The following PIK3C2G variants were observed in gnomAD, a reference collection of about 807,000 sequenced individuals.
PIK3C2G encodes the protein phosphatidylinositol 3-kinase C2 domain-containing subunit gamma.
PIK3C2G carries 168 observed loss-of-function variants against 181.1 expected under a neutral mutation model. The ratio of observed to expected loss-of-function variants is 0.93; its 90% CI spans 0.82 to 1.05. The LOEUF (loss-of-function observed/expected upper bound fraction) is 1.05. Ranked by LOEUF, PIK3C2G falls within the 50% of genes least tolerant of loss-of-function variation. The probability of loss-of-function intolerance (pLI) is 0.00; values close to 1 mark genes in which losing one functional copy is unlikely to be tolerated. For synonymous variants in PIK3C2G, 573 were observed against 592.2 expected (o/e 0.97, Z 0.47); for missense variants, 1,869 against 1,732.8 (o/e 1.08, Z -1.40).
chr12:18,686,547 T>C, the PIK3C2G span, among the ~76,000 whole-genome samples: 110 of 152,014 alleles, frequency 7.2e-4, no homozygotes, highest in African/African-American at 2.6e-3. Context: ...TTGTATTTTC[T>C]TCATATTTTA....
chr12:18,489,781 C>T (rs112288047), intron 19 of PIK3C2G, among the ~76,000 whole-genome samples: 22 of 152,182 alleles, frequency 1.4e-4, no homozygotes, highest in South Asian at 8.3e-4. Flanking sequence ...GTTTGTGTGA[C>T]GGTTTGGTCT....
chr12:18,490,874 T>C (rs569377688), intron 19 of PIK3C2G, among the ~76,000 whole-genome samples: 1 of 152,304 alleles, frequency 6.6e-6, no homozygotes, highest in Non-Finnish European at 1.5e-5. Context: ...GCCATGAGTA[T>C]AGTGGAGTGT....
intron 5 of PIK3C2G, among the ~76,000 whole-genome samples, chr12:18,310,576 G>C (rs1445097658): frequency 6.6e-6 from 1 of 151,838 alleles, no homozygotes; most frequent in Non-Finnish European, 1.5e-5. Context: ...AATTTTATTT[G>C]AGTGTCTGTC....
At chr12:18,281,905 C>A in intron 1 of PIK3C2G, 99 bp from the exon 2 acceptor site, 1 of 548,142 alleles carries the variant, frequency 1.8e-6, no homozygotes, top group Non-Finnish European at 3.3e-6. Flanking sequence ...AAAAAAAAGC[C>A]CACAAAACAG....
chr12:18,487,600 A>G (rs1261374582), intron 18 of PIK3C2G, among the ~76,000 whole-genome samples: 4 of 152,128 alleles, frequency 2.6e-5, no homozygotes, highest in African/African-American at 9.6e-5. Flanking sequence ...TTTTAAGGGT[A>G]TAATAGAAAG....
intron 16 of PIK3C2G, among the ~76,000 whole-genome samples, chr12:18,405,144 G>C (rs903736551): frequency 1.4e-4 from 22 of 152,168 alleles, no homozygotes; most frequent in African/African-American, 5.3e-4. Flanking sequence ...ACGTTGAAAA[G>C]TTCTATTCTG....
intron 4 of PIK3C2G, among the ~76,000 whole-genome samples, chr12:18,292,642 G>T (rs1248998861): frequency 1.3e-5 from 2 of 152,130 alleles, no homozygotes; most frequent in Non-Finnish European, 2.9e-5. Flanking sequence ...GCTTAAAAGG[G>T]AGGATTATGA....
chr12:18,406,815 G>A lies in PIK3C2G; in HGVS notation c.2315+6968G>A, dbSNP rs527398221. On this transcript the variant is annotated intron_variant, in intron 16 of 32. Coordinates refer to ENST00000538779, the MANE Select transcript of PIK3C2G (RefSeq NM_001288772.2). The stretch of plus-strand genomic sequence containing the variant: ...TATAGATAAGTGTGGATACAGAAGA[G>A]AAAAATGTGGAAATTTCAGTATTCC... 3.9e-5 allele frequency among the ~76,000 whole-genome samples: 6 copies of A among 152,246 alleles called. 1 individual carries two copies. The South Asian group carries it at 1.2e-3, about 32-fold the overall frequency.
intron 1 of PIK3C2G, among the ~76,000 whole-genome samples, chr12:18,279,644 G>T (rs1028620378): frequency 1.3e-5 from 2 of 151,972 alleles, no homozygotes; most frequent in African/African-American, 4.8e-5. Flanking sequence ...CAAATTCTGA[G>T]TTCCATGATA....
chr12:18,313,380 T>C (rs1950720257), intron 5 of PIK3C2G, among the ~76,000 whole-genome samples: 1 of 152,176 alleles, frequency 6.6e-6, no homozygotes, highest in Admixed American at 6.5e-5. Flanking sequence ...AACCCTTTGA[T>C]GTAGACATTA....
At chr12:18,531,099 T>C (rs1022650283) in intron 24 of PIK3C2G, among the ~76,000 whole-genome samples, 3 of 152,120 alleles carry the variant, frequency 2.0e-5, no homozygotes, top group African/African-American at 2.4e-5. Flanking sequence ...CCCTCTAGTT[T>C]TTCTCCCTTT....
chr12:18,534,668 A>G (rs1943744763), intron 24 of PIK3C2G, among the ~76,000 whole-genome samples: 1 of 133,990 alleles, frequency 7.5e-6, no homozygotes, highest in South Asian at 2.6e-4. Flanking sequence ...TCTGCTCTTG[A>G]AAATCATACG....
At chr12:18,505,176 AT>A (rs1265591059) in intron 23 of PIK3C2G, 115 bp from the exon 24 acceptor site, 1 of 837,398 alleles carries the variant, frequency 1.2e-6, no homozygotes, top group East Asian at 2.7e-5. Flanking sequence ...AGATGTAGAA[AT>A]TTTTCCTGAT....
At chr12:18,367,374 T>A (rs1229134132) in intron 12 of PIK3C2G, among the ~76,000 whole-genome samples, 3 of 152,148 alleles carry the variant, frequency 2.0e-5, no homozygotes, top group Non-Finnish European at 4.4e-5. Context: ...CCGAAATATC[T>A]AGGTATCCAA....
At position 18,640,482 on chromosome 12, in the gene PIK3C2G, A is replaced by G. The variant is rs945753482; in HGVS notation, c.4236A>G (p.Pro1412=). Residue 1412 remains proline (P), a synonymous_variant, in exon 32 of 33, where the codon CCA becomes CCG. Coordinates refer to ENST00000538779, the MANE Select transcript of PIK3C2G (RefSeq NM_001288772.2). ...PSAHVEFYLL[P]YPSEVRRRKT... is the part of the protein sequence containing the mutation. ...CACATGTTGAATTTTATCTTTTACC[A>G]TATCCCAGTGAAGTTCGTAGGAGGA... is the stretch of plus-strand genomic sequence containing the variant. 1.2e-6 allele frequency: 2 copies of G among 1,609,116 alleles called. No homozygotes were observed. Among genetic ancestry groups the G allele is most frequent in the Non-Finnish European group, 1.7e-6 (2 of 1,177,078 alleles).
In PIK3C2G at chr12:18,282,487, G is replaced by T; in HGVS notation, c.406G>T (p.Ala136Ser). 6.2e-7 allele frequency: 1 copy of T among 1,612,842 alleles called. No homozygotes were observed. ...AAGCCCCATAGGAAAACATCATGGT[G>T]CTGATGATTCCAGATTCAGTATTTT... ...WGSPIGKHHGADDSRFSILAP... is the reference protein window; with the variant it reads ...WGSPIGKHHGSDDSRFSILAP... Residue 136 changes from alanine to serine, a missense_variant, in exon 2 of 33, where the codon GCT (alanine) becomes TCT (serine). Ala to Ser is a moderately conservative substitution (Grantham distance 99, BLOSUM62 1). Transcript: ENST00000538779.
chr12:18,488,570 AT>A lies in PIK3C2G; in HGVS notation c.2627del (p.Ile876ThrfsTer23), dbSNP rs765216023. On this transcript the variant is annotated frameshift_variant, in exon 19 of 33. Coordinates refer to ENST00000538779, the MANE Select transcript of PIK3C2G (RefSeq NM_001288772.2). LOFTEE classifies it high-confidence loss of function. The part of the protein sequence containing the change: ...NDEFSKEQKL[I>X]KILGDIGERV... ...TGAGTTTTCCAAGGAGCAGAAACTT[AT>A]CAAAATTCTGGGAGATATTGGGGAA... is the stretch of plus-strand genomic sequence containing the variant. 244 of 1,577,446 alleles carry A rather than the reference AT, an allele frequency of 1.5e-4. 1 individual carries two copies. Among genetic ancestry groups the A allele is most frequent in the Middle Eastern group, 1.4e-3 (8 of 5,916 alleles).
intron 18 of PIK3C2G, among the ~76,000 whole-genome samples, chr12:18,486,182 A>G (rs1040548885): frequency 6.6e-6 from 1 of 152,194 alleles, no homozygotes; most frequent in African/African-American, 2.4e-5. Context: ...GTAAAAAGCC[A>G]TGGATCTTGA....
chr12:18,295,838 T>C (rs939620267), intron 5 of PIK3C2G, among the ~76,000 whole-genome samples: 3 of 152,016 alleles, frequency 2.0e-5, no homozygotes, highest in Non-Finnish European at 4.4e-5. Flanking sequence ...TGTTCTAGCA[T>C]CTAAAGGAAT....
Sources: gnomAD v4.1 joint callset for allele counts (sites outside exome capture counted in the v4.1 genomes callset) on GRCh38, gnomAD v4.1.1 for gene constraint, MANE v1.5 for transcripts, NCBI Gene and HGNC (gene_info 2026-07-23, HGNC 2026-07-21) for gene names.